NTM: variants seen among roughly 807,000 people sequenced by gnomAD.
NTM encodes the protein IgLON family member 2.
In NTM, 13 loss-of-function variants were observed where a neutral mutation model predicts 42.1. The observed-to-expected ratio is 0.31, with a 90% confidence interval of 0.20 to 0.49. The LOEUF (loss-of-function observed/expected upper bound fraction) is 0.49, where lower values mean the gene tolerates loss of function less well. Among genes scored for constraint, NTM ranks in the 20% least tolerant of loss-of-function variants. NTM has a pLI of 0.99. For missense variants in NTM, 373 were observed against 452.8 expected, an observed-to-expected ratio of 0.82 and a Z score of 1.60; for synonymous variants, 187 against 179.2, an observed-to-expected ratio of 1.04 and a Z score of -0.35.
intron 2 of NTM, among the ~76,000 whole-genome samples, chr11:131,955,570 A>G (rs2061468355): frequency 6.6e-6 from 1 of 152,212 alleles, no homozygotes. Flanking sequence ...GGAAAGGTAA[A>G]ACATCAAAAG....
At chr11:131,479,400 G>A (rs1263586264) in intron 1 of NTM, among the ~76,000 whole-genome samples, 1 of 152,196 alleles carries the variant, frequency 6.6e-6, no homozygotes, top group Non-Finnish European at 1.5e-5. Context: ...CTGTTAGAGA[G>A]CAGCTGGGAT....
At chr11:131,495,351 GC>G (rs1204195325) in intron 1 of NTM, among the ~76,000 whole-genome samples, 1 of 152,276 alleles carries the variant, frequency 6.6e-6, no homozygotes, top group African/African-American at 2.4e-5. Flanking sequence ...TTTGCAGATT[GC>G]GTGTTTTTGC....
intron 1 of NTM, among the ~76,000 whole-genome samples, chr11:131,476,512 G>C (rs1053208786): frequency 6.6e-6 from 1 of 152,156 alleles, no homozygotes; most frequent in Non-Finnish European, 1.5e-5. Context: ...ATCCAGTCTT[G>C]GTTTCCTAAT....
chr11:132,319,902 A>C (rs1200788462), intron 7 of NTM, among the ~76,000 whole-genome samples: 4 of 152,104 alleles, frequency 2.6e-5, no homozygotes, highest in Non-Finnish European at 4.4e-5. Flanking sequence ...ACAGCCGGGT[A>C]CTCCTCTGAG....
At chr11:131,951,919 G>T (rs752564922) in intron 2 of NTM, among the ~76,000 whole-genome samples, 1 of 151,390 alleles carries the variant, frequency 6.6e-6, no homozygotes, top group Non-Finnish European at 1.5e-5. Flanking sequence ...ATGATAATGC[G>T]ATTTCTGCTT....
At chr11:131,448,506 C>A (rs1950237430) in intron 1 of NTM, among the ~76,000 whole-genome samples, 2 of 152,318 alleles carry the variant, frequency 1.3e-5, no homozygotes, top group Middle Eastern at 3.4e-3. Flanking sequence ...AGATGATAGA[C>A]CTGCGGACCA....
At chr11:132,327,573 T>C (rs1464010617) in intron 7 of NTM, among the ~76,000 whole-genome samples, 1 of 152,150 alleles carries the variant, frequency 6.6e-6, no homozygotes, top group East Asian at 1.9e-4. Context: ...GGTTTGTATA[T>C]CCGTCTTCAC....
intron 1 of NTM, among the ~76,000 whole-genome samples, chr11:131,632,885 G>A (rs2063805478): frequency 6.8e-6 from 1 of 147,238 alleles, no homozygotes; most frequent in Non-Finnish European, 1.5e-5. Flanking sequence ...GTGTTAGCCA[G>A]GATGGTCTCG....
chr11:131,428,962 G>A (rs917378921), intron 1 of NTM, among the ~76,000 whole-genome samples: 3 of 151,986 alleles, frequency 2.0e-5, no homozygotes, highest in Non-Finnish European at 4.4e-5. Context: ...GCCTGAAGCA[G>A]GAGAATTGTT....
At chr11:131,433,435 A>G (rs1948853500) in intron 1 of NTM, among the ~76,000 whole-genome samples, 1 of 152,002 alleles carries the variant, frequency 6.6e-6, no homozygotes, top group Non-Finnish European at 1.5e-5. Context: ...CCTCTCTCCT[A>G]TTTTGGAATC....
chr11:131,945,165 C>G (rs1343189077), intron 2 of NTM, among the ~76,000 whole-genome samples: 5 of 152,204 alleles, frequency 3.3e-5, no homozygotes, highest in African/African-American at 9.6e-5. Context: ...TTGCATAAGT[C>G]AAGTCCAATT....
At chr11:131,861,349 C>G (rs1310569148) in intron 1 of NTM, among the ~76,000 whole-genome samples, 1 of 152,136 alleles carries the variant, frequency 6.6e-6, no homozygotes, top group Non-Finnish European at 1.5e-5. Context: ...CGTAATCCCC[C>G]AGCAGTGAGG....
chr11:131,420,623 C>G (rs1384324281), intron 1 of NTM, among the ~76,000 whole-genome samples: 1 of 152,134 alleles, frequency 6.6e-6, no homozygotes, highest in Non-Finnish European at 1.5e-5. Context: ...ATGTTCTAGA[C>G]CCACTGGGAG....
chr11:132,074,769 T>A (rs557943438), intron 2 of NTM, among the ~76,000 whole-genome samples: 1 of 152,298 alleles, frequency 6.6e-6, no homozygotes, highest in Admixed American at 6.5e-5. Flanking sequence ...ACAGTATGGA[T>A]AAGTTCTGGT....
At chr11:132,110,429 G>A (rs922769170) in intron 2 of NTM, among the ~76,000 whole-genome samples, 1 of 152,222 alleles carries the variant, frequency 6.6e-6, no homozygotes, top group African/African-American at 2.4e-5. Flanking sequence ...ACATATGGCT[G>A]AAGTGTGATC....
chr11:131,619,128 C>T (rs2062256593), intron 1 of NTM, among the ~76,000 whole-genome samples: 4 of 152,140 alleles, frequency 2.6e-5, no homozygotes, highest in Admixed American at 2.6e-4. Flanking sequence ...AGTAGCACTC[C>T]ACAGCGAATA....
chr11:131,979,034 G>A (rs952025262), intron 2 of NTM, among the ~76,000 whole-genome samples: 15 of 151,964 alleles, frequency 9.9e-5, no homozygotes, highest in Admixed American at 5.9e-4. Flanking sequence ...TAAATCGCTC[G>A]CTCTTGGGTA....
chr11:132,149,815 C>T (rs1310944261), intron 3 of NTM, among the ~76,000 whole-genome samples: 4 of 152,116 alleles, frequency 2.6e-5, no homozygotes, highest in Non-Finnish European at 5.9e-5. Flanking sequence ...AAGGAGGAGA[C>T]AAGAGAACTG....
chr11:131,457,399 G>C (rs1950989365), intron 1 of NTM, among the ~76,000 whole-genome samples: 1 of 151,922 alleles, frequency 6.6e-6, no homozygotes, highest in South Asian at 2.1e-4. Flanking sequence ...CAAAAGAGGG[G>C]TGGGGGAAGG....
Sources: allele counts gnomAD v4.1 joint callset (sites outside exome capture counted in the v4.1 genomes callset), GRCh38; gene constraint gnomAD v4.1.1; transcripts MANE v1.5; gene names NCBI Gene and HGNC (gene_info 2026-07-23, HGNC 2026-07-21).